Variants in DLG2 observed in about 807,000 individuals in gnomAD.
DLG2 encodes disks large homolog 2.
A neutral mutation model predicts 132.5 loss-of-function variants in DLG2; 45 were observed. That is an observed-to-expected ratio of 0.34 (90% CI 0.27 to 0.44). The LOEUF is 0.44. DLG2 is among the 20% of genes least tolerant of loss of function. The pLI, the probability that DLG2 is intolerant of heterozygous loss-of-function variation, is 1.00. For synonymous variants in DLG2, 424 were observed against 419.6 expected (o/e 1.01, Z -0.13); for missense variants, 1,045 against 1,196.9 (o/e 0.87, Z 1.87).
chr11:84,774,340 A>C (rs747674801), intron 6 of DLG2, among the ~76,000 whole-genome samples: 2 of 152,188 alleles, frequency 1.3e-5, no homozygotes, highest in African/African-American at 2.4e-5. Context: ...GATTGGAAGA[A>C]TCAATATCAT....
chr11:83,853,420 A>T (rs1303850363), intron 16 of DLG2, among the ~76,000 whole-genome samples: 1 of 152,162 alleles, frequency 6.6e-6, no homozygotes, highest in Non-Finnish European at 1.5e-5. Context: ...GTATCTGTTG[A>T]GGGTCTACTA....
At chr11:84,010,852 C>T (rs927592953) in intron 11 of DLG2, among the ~76,000 whole-genome samples, 2 of 151,980 alleles carry the variant, frequency 1.3e-5, no homozygotes, top group Non-Finnish European at 2.9e-5. Context: ...AGTCTCGAGT[C>T]GATCAATTAA....
chr11:84,814,663 T>C (rs1419360626), intron 6 of DLG2, among the ~76,000 whole-genome samples: 1 of 152,072 alleles, frequency 6.6e-6, no homozygotes, highest in Non-Finnish European at 1.5e-5. Flanking sequence ...TTCATGTTTG[T>C]TCCTCTGCTT....
intron 6 of DLG2, among the ~76,000 whole-genome samples, chr11:84,840,788 C>G (rs1277225346): frequency 2.0e-5 from 3 of 151,884 alleles, no homozygotes; most frequent in African/African-American, 4.8e-5. Flanking sequence ...GGGAATTGAA[C>G]AATGAGAACA....
At chr11:84,883,276 A>G (rs2087659740) in intron 6 of DLG2, among the ~76,000 whole-genome samples, 1 of 150,778 alleles carries the variant, frequency 6.6e-6, no homozygotes, top group African/African-American at 2.4e-5. Flanking sequence ...ACATGGACAC[A>G]GGGAGGGGAA....
At chr11:85,565,478 A>G (rs900752738) in intron 3 of DLG2, among the ~76,000 whole-genome samples, 1 of 152,078 alleles carries the variant, frequency 6.6e-6, no homozygotes, top group Non-Finnish European at 1.5e-5. Flanking sequence ...GAACATTTTC[A>G]CCAACCCCAT....
intron 8 of DLG2, among the ~76,000 whole-genome samples, chr11:84,213,181 C>G (rs1166985467): frequency 2.6e-5 from 4 of 152,180 alleles, no homozygotes; most frequent in African/African-American, 9.7e-5. Context: ...ATTGCCACCC[C>G]AACTCCCTTG....
At chr11:84,520,521 G>A (rs1472524827) in intron 7 of DLG2, among the ~76,000 whole-genome samples, 2 of 152,182 alleles carry the variant, frequency 1.3e-5, no homozygotes, top group Non-Finnish European at 2.9e-5. Context: ...TACATTGGTT[G>A]TTTGGAAGTC....
intron 8 of DLG2, among the ~76,000 whole-genome samples, chr11:84,215,558 A>C (rs1172601986): frequency 6.6e-6 from 1 of 152,210 alleles, no homozygotes; most frequent in African/African-American, 2.4e-5. Context: ...AGAACAAAAC[A>C]TAAGATCCTG....
chr11:84,646,024 G>A (rs1486407450), intron 6 of DLG2, among the ~76,000 whole-genome samples: 1 of 152,204 alleles, frequency 6.6e-6, no homozygotes, highest in Non-Finnish European at 1.5e-5. Flanking sequence ...TGAGAAGGGG[G>A]CCAGCTCTGA....
chr11:84,835,828 G>A (rs1254081133), intron 6 of DLG2, among the ~76,000 whole-genome samples: 4 of 151,740 alleles, frequency 2.6e-5, no homozygotes, highest in Non-Finnish European at 5.9e-5. Flanking sequence ...AGGAGATTAT[G>A]TAAATCATGG....
intron 7 of DLG2, among the ~76,000 whole-genome samples, chr11:84,383,843 G>T (rs2098757810): frequency 6.6e-6 from 1 of 152,044 alleles, no homozygotes; most frequent in South Asian, 2.1e-4. Flanking sequence ...CTTGACCAAA[G>T]GAAACTGTGA....
intron 18 of DLG2, among the ~76,000 whole-genome samples, chr11:83,740,873 G>C (rs1341396473): frequency 6.6e-6 from 1 of 151,906 alleles, no homozygotes; most frequent in Non-Finnish European, 1.5e-5. Context: ...AAACACATGG[G>C]GACAGAATTT....
At chr11:84,685,837 C>A (rs2099737651) in intron 6 of DLG2, among the ~76,000 whole-genome samples, 1 of 152,146 alleles carries the variant, frequency 6.6e-6, no homozygotes, top group South Asian at 2.1e-4. Context: ...TCCCGAGCAG[C>A]TGGGACCACA....
chr11:84,915,187 C>T (rs900252017), intron 6 of DLG2, among the ~76,000 whole-genome samples: 12 of 152,040 alleles, frequency 7.9e-5, no homozygotes, highest in African/African-American at 2.7e-4. Flanking sequence ...AGTTATGACC[C>T]ATTCTACACC....
intron 18 of DLG2, among the ~76,000 whole-genome samples, chr11:83,711,060 A>G (rs571631427): frequency 6.6e-6 from 1 of 152,272 alleles, no homozygotes; most frequent in East Asian, 1.9e-4. Flanking sequence ...GTTCCACATA[A>G]CTAGATCCTG....
chr11:83,471,504 C>T (rs1423756066), intron 24 of DLG2, 122 bp downstream of exon 24: 9 of 677,568 alleles, frequency 1.3e-5, no homozygotes, highest in East Asian at 2.7e-5. Flanking sequence ...CTCAGCTAAT[C>T]GGAAATGGTT....
intron 7 of DLG2, among the ~76,000 whole-genome samples, chr11:84,323,664 A>G (rs956742891): frequency 2.6e-5 from 4 of 151,168 alleles, no homozygotes; most frequent in African/African-American, 9.7e-5. Context: ...AAAACAATGC[A>G]CAGGACTTCC....
At chr11:85,093,399 C>A (rs1471036290) in intron 6 of DLG2, among the ~76,000 whole-genome samples, 2 of 152,090 alleles carry the variant, frequency 1.3e-5, no homozygotes, top group African/African-American at 4.8e-5. Context: ...CCACCCAGTA[C>A]ACTCAGACTC....
Sources: gnomAD v4.1 joint callset for allele counts (sites outside exome capture counted in the v4.1 genomes callset) on GRCh38, gnomAD v4.1.1 for gene constraint, MANE v1.5 for transcripts, NCBI Gene and HGNC (gene_info 2026-07-23, HGNC 2026-07-21) for gene names.